The following DIPK1A variants were observed in gnomAD, a reference collection of about 807,000 sequenced individuals.
DIPK1A encodes family with sequence similarity 69 member A.
Under a neutral mutation model 40.8 loss-of-function variants are expected in DIPK1A, and 27 were observed. That is an observed-to-expected ratio of 0.66 (90% CI 0.49 to 0.91). The LOEUF is 0.91. Among genes scored for constraint, DIPK1A ranks in the 40% least tolerant of loss-of-function variants. The probability of loss-of-function intolerance (pLI) is 0.00; values close to 1 mark genes in which losing one functional copy is unlikely to be tolerated. For synonymous variants in DIPK1A, 166 were observed against 171.3 expected, an observed-to-expected ratio of 0.97 and a Z score of 0.24; for missense variants, 412 against 505.7, an observed-to-expected ratio of 0.81 and a Z score of 1.78.
intron 1 of DIPK1A, among the ~76,000 whole-genome samples, chr1:92,902,731 G>A (rs1034863955): frequency 2.6e-5 from 4 of 152,174 alleles, no homozygotes; most frequent in Admixed American, 2.6e-4. Context: ...ATTAGGGGGT[G>A]GGGTGGTGGA....
At chr1:92,908,919 TTC>T (rs1649727365) in intron 1 of DIPK1A, among the ~76,000 whole-genome samples, 1 of 152,162 alleles carries the variant, frequency 6.6e-6, no homozygotes, top group Admixed American at 6.6e-5. Context: ...ACCAGATGAT[TTC>T]TGTTTTCTCT....
intron 1 of DIPK1A, among the ~76,000 whole-genome samples, chr1:92,943,162 C>T (rs1651232548): frequency 1.3e-5 from 2 of 152,176 alleles, no homozygotes; most frequent in Admixed American, 6.5e-5. Flanking sequence ...AGCAATAAAT[C>T]TCTAACAGCT....
chr1:92,906,320 G>A (rs907571214), intron 1 of DIPK1A, among the ~76,000 whole-genome samples: 7 of 152,188 alleles, frequency 4.6e-5, no homozygotes, highest in African/African-American at 1.4e-4. Flanking sequence ...GTCTTAGACA[G>A]ATGAGTGTTA....
At chr1:92,884,905 G>T (rs1019982611) in intron 1 of DIPK1A, among the ~76,000 whole-genome samples, 2 of 152,094 alleles carry the variant, frequency 1.3e-5, no homozygotes, top group African/African-American at 4.8e-5. Flanking sequence ...TCCAGGGGCT[G>T]ATTATAATTT....
chr1:92,937,608 T>TAAAAATC (rs1307172123), intron 1 of DIPK1A, among the ~76,000 whole-genome samples: 1 of 152,180 alleles, frequency 6.6e-6, no homozygotes, highest in Non-Finnish European at 1.5e-5. Context: ...AGTTGCTTTT[T>TAAAAATC]TGGACAATGC....
chr1:92,910,540 C>T (rs1649789645), intron 1 of DIPK1A, among the ~76,000 whole-genome samples: 2 of 152,038 alleles, frequency 1.3e-5, no homozygotes, highest in Admixed American at 6.6e-5. Flanking sequence ...AACAATAGTG[C>T]CAGTGACTAG....
At chr1:92,837,784 C>T (rs1340788616), downstream of DIPK1A, 4 of 691,230 alleles carry the variant, frequency 5.8e-6, no homozygotes, top group Middle Eastern at 3.9e-4. Flanking sequence ...CTTTTAGATG[C>T]TCAAGTGTGG....
chr1:92,894,784 A>C (rs1649083265), intron 1 of DIPK1A, among the ~76,000 whole-genome samples: 1 of 152,132 alleles, frequency 6.6e-6, no homozygotes, highest in Non-Finnish European at 1.5e-5. Flanking sequence ...AAAAGAGAGA[A>C]GAATCAAATA....
intron 1 of DIPK1A, among the ~76,000 whole-genome samples, chr1:92,909,881 A>G (rs777481796): frequency 3.9e-5 from 6 of 152,232 alleles, no homozygotes; most frequent in Non-Finnish European, 8.8e-5. Context: ...AAGGAATTAA[A>G]TGAATAGATT....
chr1:92,864,530 G>T (rs543890473), intron 2 of DIPK1A, among the ~76,000 whole-genome samples: 1 of 152,284 alleles, frequency 6.6e-6, no homozygotes, highest in Non-Finnish European at 1.5e-5. Flanking sequence ...ATGGTCCTGA[G>T]AAATGTATAG....
chr1:92,936,964 A>C (rs1650969961), intron 1 of DIPK1A, among the ~76,000 whole-genome samples: 1 of 152,226 alleles, frequency 6.6e-6, no homozygotes, highest in Admixed American at 6.5e-5. Context: ...CTCTATGGAA[A>C]TCCAAAAAGC....
At chr1:92,889,897 G>A (rs892325596) in intron 1 of DIPK1A, among the ~76,000 whole-genome samples, 7 of 152,190 alleles carry the variant, frequency 4.6e-5, no homozygotes, top group Non-Finnish European at 8.8e-5. Context: ...CAATGTGCCT[G>A]CCTTGGCCTC....
intron 4 of DIPK1A, among the ~76,000 whole-genome samples, chr1:92,846,821 A>G (rs531599758): frequency 0.31 from 1,247 of 3,966 alleles, 318 homozygotes; most frequent in East Asian, 0.85. Flanking sequence ...ATATATATAT[A>G]TATATATATA....
chr1:92,917,223 A>G (rs1571121958), intron 1 of DIPK1A, among the ~76,000 whole-genome samples: 1 of 152,180 alleles, frequency 6.6e-6, no homozygotes, highest in Non-Finnish European at 1.5e-5. Flanking sequence ...GCATCTAGAC[A>G]AGGCTATATA....
intron 2 of DIPK1A, among the ~76,000 whole-genome samples, chr1:92,861,914 G>C (rs1052448790): frequency 1.3e-5 from 2 of 152,058 alleles, no homozygotes; most frequent in Non-Finnish European, 2.9e-5. Flanking sequence ...CAAGTAGCTG[G>C]GACTATAGGC....
At chr1:92,919,015 C>T (rs1388757510) in intron 1 of DIPK1A, among the ~76,000 whole-genome samples, 1 of 152,152 alleles carries the variant, frequency 6.6e-6, no homozygotes, top group Non-Finnish European at 1.5e-5. Context: ...TCCTAACAAG[C>T]CATGGGCTGG....
intron 1 of DIPK1A, among the ~76,000 whole-genome samples, chr1:92,914,941 A>G (rs1435606847): frequency 2.6e-5 from 4 of 151,846 alleles, no homozygotes; most frequent in Non-Finnish European, 5.9e-5. Context: ...CAAAAAAATT[A>G]GCCAGGAGTG....
At chr1:92,832,835 TG>T in exon 5 of DIPK1A, 1 of 600,386 alleles carries the variant, frequency 1.7e-6, no homozygotes. Flanking sequence ...AATGTGCTCT[TG>T]CCCAGTTAAG....
intron 2 of DIPK1A, among the ~76,000 whole-genome samples, chr1:92,873,042 T>C (rs977345390): frequency 2.4e-4 from 37 of 152,156 alleles, no homozygotes; most frequent in African/African-American, 8.0e-4. Context: ...GGTTTCTGCT[T>C]CTCAGATCCC....
Sources: gnomAD v4.1 joint callset for allele counts (sites outside exome capture counted in the v4.1 genomes callset) on GRCh38, gnomAD v4.1.1 for gene constraint, MANE v1.5 for transcripts, NCBI Gene and HGNC (gene_info 2026-07-23, HGNC 2026-07-21) for gene names.